The following ACTL8 variants were observed in gnomAD, a reference collection of about 807,000 sequenced individuals.
ACTL8 encodes actin like 8.
A neutral mutation model predicts 9.3 loss-of-function variants in ACTL8; 3 were observed. That is an observed-to-expected ratio of 0.32 (90% CI 0.15 to 0.83). The LOEUF (loss-of-function observed/expected upper bound fraction) is 0.83, where lower values mean the gene tolerates loss of function less well. Among genes scored for constraint, ACTL8 ranks in the 40% least tolerant of loss-of-function variants. The pLI, the probability that ACTL8 is intolerant of heterozygous loss-of-function variation, is 0.57. For missense variants in ACTL8, 381 were observed against 492.2 expected (o/e 0.77, Z 2.14); for synonymous variants, 224 against 205.9 (o/e 1.09, Z -0.75).
rs376409500 is a variant in ACTL8 at position 17,826,062 on chromosome 1, C to T, written c.644C>T (p.Pro215Leu). The T allele has an allele frequency of 3.1e-5, 50 of 1,607,094 alleles. No homozygotes were observed. Among genetic ancestry groups the T allele is most frequent in the Admixed American group, 1.5e-4 (9 of 60,028 alleles). ...AVTQMNKCYV[P>L]QNLGEALDFR... is the part of the protein sequence containing the mutation. ...ACTCAGATGAACAAGTGCTACGTGCCGCAGAATCTGGGGGAGGCCCTGGAC... is the reference window on the plus strand; with the variant it reads ...ACTCAGATGAACAAGTGCTACGTGCTGCAGAATCTGGGGGAGGCCCTGGAC... Residue 215 changes from proline to leucine, a missense_variant, in exon 3 of 3, where the codon CCG (proline) becomes CTG (leucine). Transcript: ENST00000375406. The surrounding 1 kb of genome is among the most constrained non-coding windows in gnomAD (Gnocchi z 4.5).
chr1:17,769,190 G>T (rs2066066708), intron 1 of ACTL8, among the ~76,000 whole-genome samples: 1 of 152,172 alleles, frequency 6.6e-6, no homozygotes, highest in Admixed American at 6.5e-5. Flanking sequence ...GATCTGTCCT[G>T]TTGAGCGCCT....
chr1:17,822,138 C>G (rs2124194024), intron 1 of ACTL8, among the ~76,000 whole-genome samples: 1 of 152,298 alleles, frequency 6.6e-6, no homozygotes, highest in Admixed American at 6.5e-5. Flanking sequence ...TGTTTAACAC[C>G]TAATGCCTGG....
intron 1 of ACTL8, among the ~76,000 whole-genome samples, chr1:17,804,308 G>A (rs906481606): frequency 2.0e-5 from 3 of 152,192 alleles, no homozygotes; most frequent in Non-Finnish European, 4.4e-5. Context: ...GAATGAGAAA[G>A]CCTCTTTCCC....
At chr1:17,780,409 C>G (rs1251067019) in intron 1 of ACTL8, among the ~76,000 whole-genome samples, 2 of 152,084 alleles carry the variant, frequency 1.3e-5, no homozygotes, top group Non-Finnish European at 1.5e-5. Context: ...CTCCCACAGT[C>G]CAGGCCATAT....
intron 1 of ACTL8, among the ~76,000 whole-genome samples, chr1:17,785,471 C>T (rs1423490446): frequency 1.3e-5 from 2 of 152,174 alleles, no homozygotes; most frequent in African/African-American, 2.4e-5. Flanking sequence ...TAAGAGGACG[C>T]ACCTAATAGG....
intron 1 of ACTL8, among the ~76,000 whole-genome samples, chr1:17,762,975 C>T (rs1188457663): frequency 2.0e-5 from 3 of 152,128 alleles, no homozygotes; most frequent in South Asian, 2.1e-4. Flanking sequence ...TCTGATTCCT[C>T]GTTCGCCTTT....
intron 1 of ACTL8, among the ~76,000 whole-genome samples, chr1:17,787,839 C>G (rs1284891462): frequency 6.6e-6 from 1 of 152,214 alleles, no homozygotes; most frequent in African/African-American, 2.4e-5. Flanking sequence ...TGGATTTCCC[C>G]AGAGGCTGTA....
chr1:17,760,245 G>T (rs1212683299), intron 1 of ACTL8, among the ~76,000 whole-genome samples: 1 of 152,168 alleles, frequency 6.6e-6, no homozygotes, highest in Non-Finnish European at 1.5e-5. Flanking sequence ...AGTTTTGTGG[G>T]TCTATTTTAA....
chr1:17,799,193 G>A (rs1377085469), intron 1 of ACTL8, among the ~76,000 whole-genome samples: 2 of 152,194 alleles, frequency 1.3e-5, no homozygotes, highest in African/African-American at 4.8e-5. Context: ...CAAATTCACC[G>A]TGTTCCCAGA....
chr1:17,763,740 A>G (rs1458546139), intron 1 of ACTL8, among the ~76,000 whole-genome samples: 1 of 152,140 alleles, frequency 6.6e-6, no homozygotes, highest in Non-Finnish European at 1.5e-5. Flanking sequence ...AATGTTCCTT[A>G]GTCTTTTCTC....
At chr1:17,761,134 ATTTTTT>A (rs935834059) in intron 1 of ACTL8, among the ~76,000 whole-genome samples, 6 of 131,386 alleles carry the variant, frequency 4.6e-5, no homozygotes, top group Admixed American at 7.7e-5. Context: ...TTGCGGCTTA[ATTTTTT>A]TTTTTTTTTT....
In ACTL8 at chr1:17,826,256, G is replaced by C; in HGVS notation, c.838G>C (p.Val280Leu). ...PSIPRAIVES[V>L]ESCEISLRPL... ...CATCCCACGGGCCATTGTGGAATCC[G>C]TGGAGTCCTGCGAGATCTCCCTGCG... The change falls in exon 3 of 3, where the codon GTG becomes CTG. Residue 280 changes from valine to leucine, a missense_variant. Physicochemically the swap from Val to Leu is conservative, Grantham distance 32 (BLOSUM62 1). This residue lies in a region of ACTL8 where 243 missense variants were observed against 276.2 expected (regional missense o/e 0.88). Coordinates refer to ENST00000375406, the MANE Select transcript of ACTL8 (RefSeq NM_030812.3). The surrounding 1 kb of genome is among the most constrained non-coding windows in gnomAD (Gnocchi z 4.5). 2 of 1,612,680 alleles carry C rather than the reference G, an allele frequency of 1.2e-6. No individual in the cohort carries two copies. The highest frequency in any genetic ancestry group is 1.1e-5 in the South Asian group (1 of 91,026).
rs142726640 is a variant in ACTL8, at chr1:17,763,224, C to A, written c.-25+7720C>A. 1.5e-4 allele frequency among the ~76,000 whole-genome samples: 23 copies of A among 152,206 alleles called. No homozygotes were observed. The East Asian group carries it at 4.1e-3, about 27-fold the overall frequency. On this transcript the variant is annotated intron_variant, in intron 1 of 2. Transcript: ENST00000375406. The stretch of plus-strand genomic sequence containing the variant: ...AGGGATTCATTCTGTCTGGGTTTCA[C>A]GTTGTTTAAAACCAGGTGGGCTGGG...
intron 1 of ACTL8, among the ~76,000 whole-genome samples, chr1:17,781,477 G>C (rs1298018011): frequency 2.0e-5 from 3 of 152,092 alleles, no homozygotes; most frequent in African/African-American, 7.2e-5. Flanking sequence ...GACCTCAGGT[G>C]ATCTGCCTGC....
intron 1 of ACTL8, among the ~76,000 whole-genome samples, chr1:17,781,737 G>A (rs2066156036): frequency 1.3e-5 from 2 of 151,900 alleles, no homozygotes; most frequent in African/African-American, 2.4e-5. Context: ...GGTGGGCTTC[G>A]GGAGGGCTGC....
intron 1 of ACTL8, among the ~76,000 whole-genome samples, chr1:17,766,786 A>G (rs886224818): frequency 6.6e-6 from 1 of 152,014 alleles, no homozygotes; most frequent in African/African-American, 2.4e-5. Context: ...CATATAAATC[A>G]TCTAGAAAGC....
chr1:17,815,775 T>C (rs1000587449), intron 1 of ACTL8, among the ~76,000 whole-genome samples: 3 of 152,198 alleles, frequency 2.0e-5, no homozygotes, highest in Non-Finnish European at 2.9e-5. Flanking sequence ...TTCCTCTCAC[T>C]TTGAAACTTC....
At chr1:17,780,140 C>T (rs1012181816) in intron 1 of ACTL8, among the ~76,000 whole-genome samples, 5 of 152,050 alleles carry the variant, frequency 3.3e-5, no homozygotes, top group South Asian at 2.1e-4. Context: ...CCTAGGAGGT[C>T]GAAGCTGCAG....
intron 1 of ACTL8, among the ~76,000 whole-genome samples, chr1:17,780,734 G>A (rs2066148852): frequency 6.6e-6 from 1 of 150,998 alleles, no homozygotes; most frequent in African/African-American, 2.4e-5. Context: ...GAGCAGGGGT[G>A]GGAGTGTGTT....
Sources: allele counts gnomAD v4.1 joint callset (sites outside exome capture counted in the v4.1 genomes callset), GRCh38; gene constraint gnomAD v4.1.1; regional missense constraint gnomAD v4.1.1; non-coding constraint Gnocchi (gnomAD v3.1); transcripts MANE v1.5; gene names NCBI Gene and HGNC (gene_info 2026-07-23, HGNC 2026-07-21).